Variants in RAPGEF6 observed in about 807,000 individuals in gnomAD.
RAPGEF6 encodes the protein Rap guanine nucleotide exchange factor 6.
A neutral mutation model predicts 171.4 loss-of-function variants in RAPGEF6; 56 were observed. The observed-to-expected ratio is 0.33, with a 90% confidence interval of 0.26 to 0.41. The LOEUF is 0.41. RAPGEF6 is among the 10% of genes least tolerant of loss of function. RAPGEF6 has a pLI of 1.00. For missense variants in RAPGEF6, 1,674 were observed against 1,921.4 expected, an observed-to-expected ratio of 0.87 and a Z score of 2.41; for synonymous variants, 692 against 650.1, an observed-to-expected ratio of 1.06 and a Z score of -0.98.
At chr5:131,576,830 G>A (rs901625518) in intron 4 of RAPGEF6, among the ~76,000 whole-genome samples, 1 of 151,968 alleles carries the variant, frequency 6.6e-6, no homozygotes, top group African/African-American at 2.4e-5. Flanking sequence ...CCTTTTTCAT[G>A]TGGGTTACAA....
At chr5:131,616,101 G>T (rs1245919201) in intron 1 of RAPGEF6, among the ~76,000 whole-genome samples, 3 of 151,726 alleles carry the variant, frequency 2.0e-5, no homozygotes, top group Non-Finnish European at 2.9e-5. Flanking sequence ...CTACCTAGGG[G>T]CGAAAAAAAA....
chr5:131,534,133 A>G (rs1036974613), intron 6 of RAPGEF6, among the ~76,000 whole-genome samples: 1 of 152,102 alleles, frequency 6.6e-6, no homozygotes, highest in African/African-American at 2.4e-5. Context: ...ATTTTGCTTT[A>G]TTTACCTAAC....
chr5:131,431,617 A>AT (rs745321572), intron 25 of RAPGEF6, among the ~76,000 whole-genome samples: 109 of 145,520 alleles, frequency 7.5e-4, no homozygotes, highest in Middle Eastern at 3.6e-3. Flanking sequence ...AATGTTAGAT[A>AT]TTTTTTTTTT....
In RAPGEF6 at chr5:131,495,556, A is replaced by G. The variant is rs763212951; in HGVS notation, c.1524T>C (p.Asp508=). The part of the protein sequence containing the change: ...FLEEFEKNLE[D]TKMNGHLRLL... ...TAGAAATTATTTTGAGCCTTACTGT[A>G]TCTTCCAGATTTTTTTCAAATTCCT... Residue 508 remains aspartate (D), a synonymous_variant, in exon 13 of 28, where the codon GAT becomes GAC. Coordinates refer to ENST00000509018, the MANE Select transcript of RAPGEF6 (RefSeq NM_016340.6). The G allele has an allele frequency of 1.9e-6, 3 of 1,612,914 alleles. No homozygotes were observed. The highest frequency in any genetic ancestry group is 1.1e-5 in the South Asian group (1 of 91,030).
At chr5:131,437,529 C>T (rs1414370316) in intron 24 of RAPGEF6, among the ~76,000 whole-genome samples, 4 of 152,272 alleles carry the variant, frequency 2.6e-5, no homozygotes, top group Non-Finnish European at 5.9e-5. Context: ...GGAGGCACTG[C>T]GGCTTATCCT....
Position 131,604,786 on chromosome 5 carries a change from C to A in RAPGEF6, c.70-93G>T, listed in dbSNP as rs1764451927. On this transcript the variant is annotated intron_variant, in intron 1 of 27. Transcript: ENST00000509018. ...AATTCTGATTTTAAGCAAACAACCA[C>A]TTATGGCAAAGCAGTTAACTATGGA... The A allele has an allele frequency of 2.8e-6, 4 of 1,406,910 alleles. No individual in the cohort carries two copies. The South Asian group carries it at 5.7e-5, about 20-fold the overall frequency. 87.2% of individuals were successfully genotyped at this position (1,406,910 alleles called of 1,614,324 possible).
chr5:131,571,995 T>C (rs1762327009), intron 4 of RAPGEF6, among the ~76,000 whole-genome samples: 1 of 151,898 alleles, frequency 6.6e-6, no homozygotes. Context: ...CTGCAAAAAA[T>C]TGCTCCTAAC....
At chr5:131,560,239 C>G (rs1338089353) in intron 5 of RAPGEF6, among the ~76,000 whole-genome samples, 2 of 152,100 alleles carry the variant, frequency 1.3e-5, no homozygotes, top group Non-Finnish European at 1.5e-5. Flanking sequence ...CAAAATATGT[C>G]AACATGTAAC....
chr5:131,569,328 C>T (rs1762133085), intron 4 of RAPGEF6, among the ~76,000 whole-genome samples: 1 of 152,002 alleles, frequency 6.6e-6, no homozygotes, highest in South Asian at 2.1e-4. Context: ...AATAAAGCTA[C>T]AATAATCAAG....
Position 131,614,299 on chromosome 5 carries a change from A to AAAAAG in RAPGEF6, c.70-9607_70-9606insCTTTT, listed in dbSNP as rs1554087607. 6.2e-4 allele frequency among the ~76,000 whole-genome samples: 91 copies of AAAAAG among 147,242 alleles called. 2 individuals carry two copies. The highest frequency in any genetic ancestry group is 2.2e-3 in the African/African-American group (88 of 39,736). On this transcript the variant is annotated intron_variant, in intron 1 of 27. Transcript: ENST00000509018. ...TCTGTCTCAAAAAAAAAAAAAAAAA[A>AAAAAG]AAAGAAAGAAAGAAAAAGAAAAAGA...
intron 4 of RAPGEF6, among the ~76,000 whole-genome samples, chr5:131,585,289 T>C (rs201543352): frequency 7.4e-6 from 1 of 134,974 alleles, no homozygotes; most frequent in African/African-American, 2.9e-5. Flanking sequence ...AAAAAAAAAC[T>C]ATACATACAT....
At chr5:131,463,517 T>G in intron 18 of RAPGEF6, 1 of 212,482 alleles carries the variant, frequency 4.7e-6, no homozygotes, top group Non-Finnish European at 7.8e-6. Flanking sequence ...AGGTGGAGGT[T>G]GCAGTGAGCT....
At chr5:131,600,632 G>A (rs1764183071) in intron 3 of RAPGEF6, among the ~76,000 whole-genome samples, 1 of 149,930 alleles carries the variant, frequency 6.7e-6, no homozygotes, top group Admixed American at 6.7e-5. Context: ...AAGAGGAGAG[G>A]AGGAGGGAGC....
intron 21 of RAPGEF6, chr5:131,447,256 G>A (rs1580836467): frequency 1.3e-5 from 2 of 153,182 alleles, no homozygotes; most frequent in Admixed American, 6.5e-5. Context: ...CCAATAACAC[G>A]TTAGCTGAAA....
chr5:131,514,734 A>T (rs1757963879), intron 7 of RAPGEF6, among the ~76,000 whole-genome samples: 1 of 152,212 alleles, frequency 6.6e-6, no homozygotes, highest in Non-Finnish European at 1.5e-5. Context: ...AGCCAAAAAA[A>T]AATTAATAAA....
At chr5:131,510,967 A>C (rs1323889897) in intron 7 of RAPGEF6, among the ~76,000 whole-genome samples, 1 of 152,172 alleles carries the variant, frequency 6.6e-6, no homozygotes, top group East Asian at 1.9e-4. Context: ...TTAAGAACAG[A>C]AGTTTAAAGT....
In RAPGEF6 at chr5:131,425,972, CTT is replaced by C. The variant is rs1442551592; in HGVS notation, c.*1292_*1293del. ...CATTAAAAAAACTGAAAAAATTAAA[CTT>C]AATATATATAAAATATATTTAATTT... On this transcript the variant is annotated 3_prime_UTR_variant, in exon 28 of 28. Transcript: ENST00000509018. 8.3e-6 allele frequency: 1 copy of C among 120,932 alleles called. No individual in the cohort carries two copies. Among genetic ancestry groups the C allele is most frequent in the Non-Finnish European group, 1.6e-5 (1 of 61,730 alleles). 7.5% of individuals were successfully genotyped at this position (120,932 alleles called of 1,614,324 possible). A position where few individuals can be genotyped will look rare whatever the true frequency, so the allele number is the denominator to read the frequency against.
At chr5:131,558,909 T>A (rs185081612) in intron 5 of RAPGEF6, among the ~76,000 whole-genome samples, 10 of 152,188 alleles carry the variant, frequency 6.6e-5, no homozygotes, top group Non-Finnish European at 1.3e-4. Context: ...AGGCGTACTC[T>A]GTTGTTGATA....
Position 131,426,035 on chromosome 5 carries a change from AGTC to A in RAPGEF6, c.*1228_*1230del. ...GAAAAATCTGCCTCATCCAGTAAAC[AGTC>A]ACTGAAATTTTAATTAAGAGTGCCA... On this transcript the variant is annotated 3_prime_UTR_variant, in exon 28 of 28. Coordinates refer to ENST00000509018, the MANE Select transcript of RAPGEF6 (RefSeq NM_016340.6). 6.6e-6 allele frequency: 1 copy of A among 152,154 alleles called. No individual in the cohort carries two copies. The highest frequency in any genetic ancestry group is 1.9e-4 in the East Asian group (1 of 5,340). The allele number at this position is 152,154 out of a possible 1,614,324, so 9.4% of individuals were successfully genotyped here. A position where few individuals can be genotyped will look rare whatever the true frequency, so the allele number is the denominator to read the frequency against.
Sources: gnomAD v4.1 joint callset for allele counts (sites outside exome capture counted in the v4.1 genomes callset) on GRCh38, gnomAD v4.1.1 for gene constraint, MANE v1.5 for transcripts, NCBI Gene and HGNC (gene_info 2026-07-23, HGNC 2026-07-21) for gene names.